AHCY: variants seen among roughly 807,000 people sequenced by gnomAD.
AHCY encodes the protein adenosylhomocysteinase, also known as S-adenosyl-L-homocysteine hydrolase.
AHCY carries 24 observed loss-of-function variants against 45.4 expected under a neutral mutation model. That is an observed-to-expected ratio of 0.53 (90% confidence interval 0.38 to 0.74). The LOEUF (loss-of-function observed/expected upper bound fraction) is 0.74, where lower values mean the gene tolerates loss of function less well. AHCY is among the 30% of genes least tolerant of loss of function. The pLI, the probability that AHCY is intolerant of heterozygous loss-of-function variation, is 0.00. For missense variants in AHCY, 449 were observed against 594.1 expected (o/e 0.76, Z 2.54); for synonymous variants, 245 against 235.1 (o/e 1.04, Z -0.39).
chr20:34,272,771 C>T, the AHCY span, among the ~76,000 whole-genome samples: 285 of 152,284 alleles, frequency 1.9e-3, 1 homozygote, highest in Non-Finnish European at 3.6e-3. Context: ...CTAGTCCCAG[C>T]TACTCAAGAG....
chr20:34,257,070 C>CTTTTTTTTTTTTTTTT, the AHCY span, among the ~76,000 whole-genome samples: 164 of 139,268 alleles, frequency 1.2e-3, no homozygotes, highest in African/African-American at 2.8e-3. Context: ...CTTTCTTTCT[C>CTTTTTTTTTTTTTTTT]TTTTTTTTTT....
chr20:34,306,099 G>GA (rs2036893670), upstream of AHCY, among the ~76,000 whole-genome samples: 1 of 120,630 alleles, frequency 8.3e-6, no homozygotes, highest in African/African-American at 3.1e-5. Flanking sequence ...AAAAAAAAAA[G>GA]AAAAAAAAAG....
the AHCY span, among the ~76,000 whole-genome samples, chr20:34,246,796 A>G: frequency 1.3e-5 from 2 of 152,214 alleles, no homozygotes; most frequent in African/African-American, 2.4e-5. Context: ...GATAAACTTG[A>G]AGCTCCCTTT....
the AHCY span, chr20:34,269,331 A>C: frequency 7.0e-6 from 6 of 859,788 alleles, no homozygotes; most frequent in Non-Finnish European, 1.0e-5. Flanking sequence ...GAAATACAAT[A>C]TATATAGGCT....
the AHCY span, among the ~76,000 whole-genome samples, chr20:34,247,710 G>A: frequency 6.6e-6 from 1 of 151,966 alleles, no homozygotes; most frequent in African/African-American, 2.4e-5. Flanking sequence ...CTAGACTCAA[G>A]TGATCCTCCT....
At chr20:34,236,691 T>C in the AHCY span, among the ~76,000 whole-genome samples, 1 of 152,160 alleles carries the variant, frequency 6.6e-6, no homozygotes, top group Non-Finnish European at 1.5e-5. Context: ...ATCTTAAAAA[T>C]AAATCATTAT....
At chr20:34,255,724 CAA>C in the AHCY span, among the ~76,000 whole-genome samples, 1 of 152,208 alleles carries the variant, frequency 6.6e-6, no homozygotes, top group Non-Finnish European at 1.5e-5. Flanking sequence ...GACCAGAAGA[CAA>C]GAGTGTGAGC....
chr20:34,288,243 C>CT (rs2036252026), intron 8 of AHCY, among the ~76,000 whole-genome samples: 1 of 152,200 alleles, frequency 6.6e-6, no homozygotes, highest in Non-Finnish European at 1.5e-5. Flanking sequence ...GTCTGCCTCT[C>CT]TGGGACTTGG....
intron 3 of AHCY, chr20:34,293,801 A>G: frequency 2.0e-6 from 1 of 501,506 alleles, no homozygotes; most frequent in Non-Finnish European, 3.6e-6. Flanking sequence ...TCCTTCCTTT[A>G]ATGAACTTCC....
the AHCY span, among the ~76,000 whole-genome samples, chr20:34,233,570 G>T: frequency 3.3e-5 from 5 of 152,180 alleles, no homozygotes; most frequent in Non-Finnish European, 7.3e-5. Flanking sequence ...TGAATTTTAT[G>T]ATATGTGAAT....
the AHCY span, among the ~76,000 whole-genome samples, chr20:34,235,825 G>GA: frequency 1.6e-5 from 1 of 62,154 alleles, no homozygotes; most frequent in Non-Finnish European, 2.5e-5. Context: ...AAGAAAGAAA[G>GA]AAAGAAAGAA....
chr20:34,295,618 T>G, intron 1 of AHCY, 33 bp from the exon 2 acceptor site: 1 of 1,605,998 alleles, frequency 6.2e-7, no homozygotes. Context: ...GTTCCGTGAG[T>G]CCCCTCATCC....
the AHCY span, among the ~76,000 whole-genome samples, chr20:34,272,469 G>A: frequency 6.6e-6 from 1 of 152,198 alleles, no homozygotes; most frequent in African/African-American, 2.4e-5. Flanking sequence ...CAGTCCCCAA[G>A]ACTGCCCTCA....
At chr20:34,258,127 G>C in the AHCY span, among the ~76,000 whole-genome samples, 1 of 151,580 alleles carries the variant, frequency 6.6e-6, no homozygotes, top group Non-Finnish European at 1.5e-5. Flanking sequence ...CTGGGCAACA[G>C]AGTGAGATTC....
the AHCY span, among the ~76,000 whole-genome samples, chr20:34,232,822 A>C: frequency 6.6e-6 from 1 of 152,234 alleles, no homozygotes; most frequent in Non-Finnish European, 1.5e-5. Flanking sequence ...TTTTAATAGC[A>C]CATGGACTGG....
In AHCY at chr20:34,280,371, G is replaced by A. The variant is rs2035962020; in HGVS notation, c.*663C>T. 6.5e-6 allele frequency: 1 copy of A among 153,266 alleles called. No individual in the cohort carries two copies. The highest frequency in any genetic ancestry group is 6.5e-5 in the Admixed American group (1 of 15,478). 9.5% of individuals were successfully genotyped at this position (153,266 alleles called of 1,614,324 possible). A position where few individuals can be genotyped will look rare whatever the true frequency, so the allele number is the denominator to read the frequency against. ...CCAGGGTTGTGAAAGGAACCATCTG[G>A]TTATAAAGTGGTGGCAGATTTCACG... On this transcript the variant is annotated 3_prime_UTR_variant, in exon 10 of 10. Transcript: ENST00000217426.
At chr20:34,237,914 A>T in the AHCY span, among the ~76,000 whole-genome samples, 1 of 152,028 alleles carries the variant, frequency 6.6e-6, no homozygotes, top group African/African-American at 2.4e-5. Flanking sequence ...AGATAATCTG[A>T]TATAGGATTC....
downstream of AHCY, among the ~76,000 whole-genome samples, chr20:34,278,587 G>A (rs932643069): frequency 6.6e-6 from 1 of 152,048 alleles, no homozygotes; most frequent in African/African-American, 2.4e-5. Flanking sequence ...ATCTAATGTT[G>A]GGAAATCTGA....
At chr20:34,286,702 A>G (rs1297386984) in intron 8 of AHCY, among the ~76,000 whole-genome samples, 5 of 151,872 alleles carry the variant, frequency 3.3e-5, no homozygotes, top group Non-Finnish European at 7.4e-5. Context: ...GCATGGTAGC[A>G]CATGCCTGTA....
Sources: allele counts gnomAD v4.1 joint callset (sites outside exome capture counted in the v4.1 genomes callset), GRCh38; gene constraint gnomAD v4.1.1; transcripts MANE v1.5; gene names NCBI Gene and HGNC (gene_info 2026-07-23, HGNC 2026-07-21).